The following YIF1A variants were observed in gnomAD, a reference collection of about 807,000 sequenced individuals.
The protein encoded by YIF1A is Yip1 interacting factor homolog A, membrane trafficking protein.
Under a neutral mutation model 32.6 loss-of-function variants are expected in YIF1A, and 28 were observed. That is an observed-to-expected ratio of 0.86 (90% CI 0.64 to 1.18). The LOEUF (loss-of-function observed/expected upper bound fraction) is 1.18, where lower values mean the gene tolerates loss of function less well. YIF1A is among the 50% of genes most tolerant of loss of function. YIF1A has a pLI of 0.00. For synonymous variants in YIF1A, 175 were observed against 162.2 expected (o/e 1.08, Z -0.60); for missense variants, 373 against 390.8 (o/e 0.95, Z 0.38).
chr11:66,284,982 G>C lies in YIF1A; in HGVS notation c.642-16C>G. On this transcript the variant is annotated splice_polypyrimidine_tract_variant and intron_variant, in intron 6 of 7. Transcript: ENST00000376901. ...GAGGATCATTCTGGGGGTGGGAGGA[G>C]GAAAGGGTTGGTGACCCCCAGGGGT... 1 of 1,612,616 alleles carries C rather than the reference G, an allele frequency of 6.2e-7. No individual in the cohort carries two copies. Among genetic ancestry groups the C allele is most frequent in the Non-Finnish European group, 8.5e-7 (1 of 1,179,778 alleles).
At chr11:66,285,171 TC>T in intron 6 of YIF1A, 1 of 896,452 alleles carries the variant, frequency 1.1e-6, no homozygotes, top group Non-Finnish European at 1.7e-6. Context: ...CCCCCTTCTC[TC>T]CCCAAGACTC....
intron 1 of YIF1A, 54 bp from the exon 2 acceptor site, chr11:66,288,346 A>T: frequency 1.2e-6 from 2 of 1,605,440 alleles, no homozygotes; most frequent in Non-Finnish European, 1.7e-6. Context: ...CATGAGCCCA[A>T]ACCACCGCCC....
At position 66,284,636 on chromosome 11, in the gene YIF1A, G is replaced by A. The variant is rs780824131; in HGVS notation, c.*1C>T. On this transcript the variant is annotated 3_prime_UTR_variant, in exon 8 of 8. Transcript: ENST00000376901. Reference sequence around the variant, plus strand: ...ACTCAGTGCCATCTGGGGCCAGGGGGTCACCGGACCAGGTGGAAAGTCAGC... The same window carrying A: ...ACTCAGTGCCATCTGGGGCCAGGGGATCACCGGACCAGGTGGAAAGTCAGC... The A allele has an allele frequency of 1.2e-6, 2 of 1,612,710 alleles. No individual in the cohort carries two copies. The highest frequency in any genetic ancestry group is 1.7e-6 in the Non-Finnish European group (2 of 1,179,866).
chr11:66,285,374 T>C lies in YIF1A; in HGVS notation c.641+7A>G. ...AGGCCACCTCCCCCTGGCCCACAAG[T>C]GCTCACCCCACGTATTTGTAGCCAC... On this transcript the variant is annotated splice_region_variant and intron_variant, in intron 6 of 7. Coordinates refer to ENST00000376901, the MANE Select transcript of YIF1A (RefSeq NM_020470.3). 8 of 1,608,900 alleles carry C rather than the reference T, an allele frequency of 5.0e-6. No individual in the cohort carries two copies. Among genetic ancestry groups the C allele is most frequent in the Non-Finnish European group, 6.8e-6 (8 of 1,176,584 alleles).
chr11:66,287,916 G>A lies in YIF1A; in HGVS notation c.244C>T (p.Leu82=), dbSNP rs1424550631. Residue 82 remains leucine, a splice_region_variant and synonymous_variant, in exon 3 of 8, where the codon CTG becomes TTG. Coordinates refer to ENST00000376901, the MANE Select transcript of YIF1A (RefSeq NM_020470.3). ...SHGKDMVHKE[L]HRFVSVSKLK... is the part of the protein sequence containing the mutation. ...TTGCTCACAGACACAAAACGGTGCAGCTGGGAGGGGAGAGAGGAAGCTGTG... is the reference window on the plus strand; with the variant it reads ...TTGCTCACAGACACAAAACGGTGCAACTGGGAGGGGAGAGAGGAAGCTGTG... 6.2e-7 allele frequency: 1 copy of A among 1,613,000 alleles called. No individual in the cohort carries two copies. Among genetic ancestry groups the A allele is most frequent in the Non-Finnish European group, 8.5e-7 (1 of 1,179,950 alleles).
rs768054964 is a variant in YIF1A, at chr11:66,285,498, G to A, written c.524C>T (p.Ala175Val). The change falls in exon 6 of 8, where the codon GCG becomes GTG. Residue 175 changes from alanine (A) to valine (V), a missense_variant. Ala to Val is a moderately conservative substitution (Grantham distance 64, BLOSUM62 0). Transcript: ENST00000376901. ...PEVLGLCAST[A>V]LVWVVMEVLA... ...CACCTCCATCACCACCCACACCAGC[G>A]CTGTGCTTGCACACAGGCCCAGCAC... 1.1e-5 allele frequency: 18 copies of A among 1,613,010 alleles called. No homozygotes were observed. In the Admixed American group the frequency reaches 1.7e-4, roughly 15 times the overall value.
chr11:66,287,599 G>A lies in YIF1A; in HGVS notation c.426C>T (p.Pro142=), dbSNP rs769744815. ...CCCCAGCCCAGGTTGGAGACTCACT[G>A]GGGATATAGAGGTCAGGGGCGTTGA... is the stretch of plus-strand genomic sequence containing the variant. ...QDLNAPDLYI[P]TMAFITYVLL... The change falls in exon 4 of 8, where the codon CCC becomes CCT. Residue 142 remains proline (P), a splice_region_variant and synonymous_variant. Coordinates refer to ENST00000376901, the MANE Select transcript of YIF1A (RefSeq NM_020470.3). 12 of 1,612,966 alleles carry A rather than the reference G, an allele frequency of 7.4e-6. No individual in the cohort carries two copies. The highest frequency in any genetic ancestry group is 5.0e-5 in the Admixed American group (3 of 59,848).
chr11:66,285,182 C>T (rs1003461071), intron 6 of YIF1A, 199 bp downstream of exon 6: 27 of 943,098 alleles, frequency 2.9e-5, no homozygotes, highest in Non-Finnish European at 4.1e-5. Context: ...CCCCAAGACT[C>T]GCAGAGTGAC....
At chr11:66,285,291 G>T in intron 6 of YIF1A, 90 bp downstream of exon 6, 3 of 1,539,222 alleles carry the variant, frequency 1.9e-6, no homozygotes, top group South Asian at 1.2e-5. Context: ...AGGTCACTAG[G>T]GGCCGAGACA....
At chr11:66,285,055 C>A in intron 6 of YIF1A, 89 bp from the exon 7 acceptor site, 1 of 1,317,602 alleles carries the variant, frequency 7.6e-7, no homozygotes, top group Non-Finnish European at 1.1e-6. Context: ...CCCAGCTAGA[C>A]CCCACCTCCC....
chr11:66,288,723 T>C (rs960635746), intron 1 of YIF1A, among the ~76,000 whole-genome samples: 7 of 151,562 alleles, frequency 4.6e-5, no homozygotes, highest in Non-Finnish European at 7.4e-5. Context: ...GTCAAAGGAG[T>C]TTCTGGAGGA....
chr11:66,288,315 G>A, intron 1 of YIF1A, 23 bp from the exon 2 acceptor site: 2 of 1,613,556 alleles, frequency 1.2e-6, no homozygotes, highest in Non-Finnish European at 1.7e-6. Context: ...AGGTATCAGA[G>A]TAGATGACAG....
chr11:66,285,670 G>A lies in YIF1A; in HGVS notation c.485+31C>T, dbSNP rs763064658. 9 of 1,612,824 alleles carry A rather than the reference G, an allele frequency of 5.6e-6. No individual in the cohort carries two copies. In the Admixed American group the frequency reaches 8.3e-5, roughly 15 times the overall value. On this transcript the variant is annotated intron_variant, in intron 5 of 7. Transcript: ENST00000376901. ...AGGTTGGGAGAAGAGCTCACAGGGA[G>A]GGGAGGGTAAGGGAGGGGCTTGGCA...
Position 66,289,083 on chromosome 11 carries a change from C to T in YIF1A, c.-98G>A. The T allele has an allele frequency of 1.4e-6, 2 of 1,437,308 alleles. No homozygotes were observed. The highest frequency in any genetic ancestry group is 1.8e-6 in the Non-Finnish European group (2 of 1,094,208). The allele number at this position is 1,437,308 out of a possible 1,614,324, so 89.0% of individuals were successfully genotyped here. Reference sequence around the variant, plus strand: ...TCCGCGCCCAGGGTACCGACCGAGGCCACCCGGCCGCGCGACACGTCCCCC... The same window carrying T: ...TCCGCGCCCAGGGTACCGACCGAGGTCACCCGGCCGCGCGACACGTCCCCC... On this transcript the variant is annotated 5_prime_UTR_variant, in exon 1 of 8. Coordinates refer to ENST00000376901, the MANE Select transcript of YIF1A (RefSeq NM_020470.3).
At chr11:66,285,915 G>T (rs1445559667) in intron 4 of YIF1A, among the ~76,000 whole-genome samples, 157 bp from the exon 5 acceptor site, 2 of 152,224 alleles carry the variant, frequency 1.3e-5, no homozygotes, top group Non-Finnish European at 2.9e-5. Flanking sequence ...TGCCTGGAAT[G>T]CCTGTCTCCG....
At chr11:66,285,793 T>G (rs1397422992) in intron 4 of YIF1A, 35 bp from the exon 5 acceptor site, 3 of 1,610,312 alleles carry the variant, frequency 1.9e-6, no homozygotes, top group Non-Finnish European at 2.5e-6. Flanking sequence ...TCAGCTTGGC[T>G]TCCTCCATCA....
intron 1 of YIF1A, 57 bp from the exon 2 acceptor site, chr11:66,288,349 C>T (rs1288468606): frequency 1.2e-6 from 2 of 1,603,908 alleles, no homozygotes; most frequent in Non-Finnish European, 1.7e-6. Flanking sequence ...GAGCCCAAAC[C>T]ACCGCCCCTT....
intron 6 of YIF1A, 107 bp from the exon 7 acceptor site, chr11:66,285,073 C>T (rs1209595337): frequency 8.5e-7 from 1 of 1,171,422 alleles, no homozygotes. Flanking sequence ...CCCACAGCAC[C>T]TTTTACTCTC....
chr11:66,285,591 A>G, intron 5 of YIF1A, 55 bp from the exon 6 acceptor site: 4 of 1,611,622 alleles, frequency 2.5e-6, no homozygotes, highest in Non-Finnish European at 3.4e-6. Context: ...GGGGTGAGGA[A>G]GAGAGACTGG....
Sources: gnomAD v4.1 joint callset for allele counts (sites outside exome capture counted in the v4.1 genomes callset) on GRCh38, gnomAD v4.1.1 for gene constraint, MANE v1.5 for transcripts, NCBI Gene and HGNC (gene_info 2026-07-23, HGNC 2026-07-21) for gene names.